ENTREP2: variants seen among roughly 807,000 people sequenced by gnomAD.
ENTREP2 encodes endosomal transmembrane epsin interactor 2.
chr15:29,648,489 C>A, the ENTREP2 span, among the ~76,000 whole-genome samples: 1 of 152,180 alleles, frequency 6.6e-6, no homozygotes, highest in Non-Finnish European at 1.5e-5. Context: ...ATTGCTTCCA[C>A]CACCTGAAGA....
chr15:29,609,283 C>T, the ENTREP2 span, among the ~76,000 whole-genome samples: 1,044 of 150,314 alleles, frequency 6.9e-3, 47 homozygotes, highest in African/African-American at 0.024. Flanking sequence ...TAACCAGTCC[C>T]CTATTGATGG....
chr15:29,591,566 C>G, the ENTREP2 span, among the ~76,000 whole-genome samples: 1 of 152,124 alleles, frequency 6.6e-6, no homozygotes, highest in Non-Finnish European at 1.5e-5. Context: ...GAGGTCACTA[C>G]AGTGAGCCCT....
At chr15:29,165,431 A>G in the ENTREP2 span, among the ~76,000 whole-genome samples, 1 of 152,222 alleles carries the variant, frequency 6.6e-6, no homozygotes, top group African/African-American at 2.4e-5. Context: ...ATAGACCATT[A>G]GTAAGATTAA....
the ENTREP2 span, among the ~76,000 whole-genome samples, chr15:29,557,975 A>G: frequency 3.3e-5 from 5 of 152,214 alleles, no homozygotes; most frequent in African/African-American, 1.2e-4. Flanking sequence ...ACCACAGTGC[A>G]ATATGGTTTG....
the ENTREP2 span, among the ~76,000 whole-genome samples, chr15:29,582,165 G>C: frequency 2.6e-5 from 4 of 152,024 alleles, no homozygotes; most frequent in South Asian, 8.3e-4. Flanking sequence ...CTGGCTAATT[G>C]ATTTCTGACA....
At chr15:29,138,893 C>G in the ENTREP2 span, among the ~76,000 whole-genome samples, 4 of 152,076 alleles carry the variant, frequency 2.6e-5, no homozygotes, top group South Asian at 8.3e-4. Flanking sequence ...CTAGTGGGCG[C>G]TCAGGGAGAC....
chr15:29,216,041 G>T, the ENTREP2 span, among the ~76,000 whole-genome samples: 1 of 152,090 alleles, frequency 6.6e-6, no homozygotes, highest in African/African-American at 2.4e-5. Flanking sequence ...TTTTTAACTT[G>T]TATTTTTGTT....
chr15:29,262,328 C>A, the ENTREP2 span, among the ~76,000 whole-genome samples: 1 of 152,172 alleles, frequency 6.6e-6, no homozygotes, highest in Non-Finnish European at 1.5e-5. Context: ...GATTGTGGGT[C>A]AAAAGACCCT....
At chr15:29,492,275 C>T in the ENTREP2 span, among the ~76,000 whole-genome samples, 1 of 152,202 alleles carries the variant, frequency 6.6e-6, no homozygotes, top group Non-Finnish European at 1.5e-5. Flanking sequence ...TTAGCAGTAG[C>T]ATGAGGAAAA....
the ENTREP2 span, among the ~76,000 whole-genome samples, chr15:29,231,885 C>CTTTTTTT: frequency 0.15 from 18,368 of 125,094 alleles, 2,455 homozygotes; most frequent in South Asian, 0.26. Context: ...GTTTTCTTTT[C>CTTTTTTT]TTTTCTTTCT....
chr15:29,259,075 GA>G, the ENTREP2 span, among the ~76,000 whole-genome samples: 1 of 152,190 alleles, frequency 6.6e-6, no homozygotes, highest in East Asian at 1.9e-4. Context: ...GGGATAATCT[GA>G]TAAAGAAAGA....
the ENTREP2 span, among the ~76,000 whole-genome samples, chr15:29,674,335 T>C: frequency 6.6e-6 from 1 of 151,764 alleles, no homozygotes; most frequent in Non-Finnish European, 1.5e-5. Flanking sequence ...AGTGGCGCAA[T>C]CTCAGCTCAC....
chr15:29,413,501 A>G, the ENTREP2 span, among the ~76,000 whole-genome samples: 3 of 152,202 alleles, frequency 2.0e-5, no homozygotes, highest in African/African-American at 7.2e-5. Context: ...TTTTTGACTG[A>G]AAGTCGATTT....
chr15:29,672,961 A>G, the ENTREP2 span, among the ~76,000 whole-genome samples: 353 of 152,192 alleles, frequency 2.3e-3, 4 homozygotes, highest in African/African-American at 8.2e-3. Flanking sequence ...ATACTTAGTT[A>G]CTTCTTGATT....
At chr15:29,361,692 C>T in the ENTREP2 span, among the ~76,000 whole-genome samples, 6 of 152,120 alleles carry the variant, frequency 3.9e-5, no homozygotes, top group Admixed American at 6.5e-5. Context: ...GCAATTCTGA[C>T]GACCACTCTG....
the ENTREP2 span, among the ~76,000 whole-genome samples, chr15:29,634,421 T>A: frequency 6.6e-6 from 1 of 152,254 alleles, no homozygotes; most frequent in South Asian, 2.1e-4. Context: ...CCCACTCCTG[T>A]TTGGGGCTGT....
chr15:29,117,804 CTA>C, the ENTREP2 span: 1 of 152,362 alleles, frequency 6.6e-6, no homozygotes, highest in Non-Finnish European at 1.5e-5. Context: ...TCCAATGTGA[CTA>C]ATGACCACAC....
the ENTREP2 span, among the ~76,000 whole-genome samples, chr15:29,392,720 A>T: frequency 6.6e-6 from 1 of 152,126 alleles, no homozygotes; most frequent in Admixed American, 6.6e-5. Context: ...TCGTTCTGGA[A>T]ATTTTGTAGC....
chr15:29,250,471 AGAG>A, the ENTREP2 span, among the ~76,000 whole-genome samples: 1 of 152,202 alleles, frequency 6.6e-6, no homozygotes, highest in East Asian at 1.9e-4. Flanking sequence ...GGTAAGAAAT[AGAG>A]GAGACCAAAT....
Sources: allele counts gnomAD v4.1 joint callset (sites outside exome capture counted in the v4.1 genomes callset), GRCh38; gene constraint gnomAD v4.1.1; transcripts MANE v1.5; gene names NCBI Gene and HGNC (gene_info 2026-07-23, HGNC 2026-07-21).